Variants in NCKAP5 observed in about 807,000 individuals in gnomAD.
NCKAP5 encodes the protein nck-associated protein 5.
NCKAP5 carries 92 observed loss-of-function variants against 167.0 expected under a neutral mutation model. The ratio of observed to expected loss-of-function variants is 0.55; its 90% CI spans 0.47 to 0.66. NCKAP5 has a LOEUF of 0.66. Ranked by LOEUF, NCKAP5 falls within the 30% of genes least tolerant of loss-of-function variation. The pLI is 0.00. For missense variants in NCKAP5, 2,378 were observed against 2,315.0 expected (o/e 1.03, Z -0.56); for synonymous variants, 891 against 877.4 (o/e 1.02, Z -0.27).
chr2:132,757,836 T>C (rs1245256093), intron 16 of NCKAP5, among the ~76,000 whole-genome samples: 2 of 152,162 alleles, frequency 1.3e-5, no homozygotes, highest in African/African-American at 4.8e-5. Context: ...TTGGAACCAA[T>C]ATAGCTGACT....
At chr2:133,246,412 T>C (rs570968025) in intron 4 of NCKAP5, among the ~76,000 whole-genome samples, 2 of 152,226 alleles carry the variant, frequency 1.3e-5, no homozygotes, top group East Asian at 1.9e-4. Flanking sequence ...ATCGCTATAA[T>C]GTATGGTAAC....
chr2:133,280,349 A>G (rs1375304941), intron 4 of NCKAP5, among the ~76,000 whole-genome samples: 1 of 152,016 alleles, frequency 6.6e-6, no homozygotes, highest in Non-Finnish European at 1.5e-5. Flanking sequence ...TTCATTATTG[A>G]CCCCTTAACC....
intron 8 of NCKAP5, among the ~76,000 whole-genome samples, chr2:132,908,326 T>C (rs1400647437): frequency 6.6e-6 from 1 of 152,166 alleles, no homozygotes; most frequent in Non-Finnish European, 1.5e-5. Flanking sequence ...TTGTCTTTTC[T>C]CTTTCTCTTC....
intron 8 of NCKAP5, among the ~76,000 whole-genome samples, chr2:132,887,365 T>A (rs9751686): frequency 0.024 from 3,155 of 133,782 alleles, 148 homozygotes; most frequent in African/African-American, 0.081. Context: ...CCATCCATCT[T>A]TCCATCCATC....
intron 12 of NCKAP5, among the ~76,000 whole-genome samples, chr2:132,793,444 C>A (rs1172248465): frequency 6.6e-6 from 1 of 152,220 alleles, no homozygotes; most frequent in African/African-American, 2.4e-5. Flanking sequence ...TTAACGTGAA[C>A]TGAATCACCA....
chr2:132,775,746 A>G (rs1295265483), intron 15 of NCKAP5, among the ~76,000 whole-genome samples: 1 of 152,198 alleles, frequency 6.6e-6, no homozygotes, highest in Non-Finnish European at 1.5e-5. Flanking sequence ...GTTTCCATTA[A>G]TAATCCACTG....
chr2:133,018,162 A>C (rs542483848), intron 6 of NCKAP5, among the ~76,000 whole-genome samples: 10 of 152,216 alleles, frequency 6.6e-5, no homozygotes, highest in Non-Finnish European at 1.2e-4. Context: ...TATTCTGTCT[A>C]TATCCCAACC....
intron 3 of NCKAP5, among the ~76,000 whole-genome samples, chr2:133,497,236 G>A (rs761285809): frequency 6.6e-6 from 1 of 152,148 alleles, no homozygotes; most frequent in Non-Finnish European, 1.5e-5. Context: ...AAGGATAAAG[G>A]ACTGTCAAAA....
At chr2:133,062,778 A>G (rs1283209724) in intron 6 of NCKAP5, among the ~76,000 whole-genome samples, 36 of 152,238 alleles carry the variant, frequency 2.4e-4, no homozygotes, top group Admixed American at 2.4e-3. Context: ...GCTCTGGGAA[A>G]TAATTTTCTT....
At chr2:133,246,360 C>T (rs2087992899) in intron 4 of NCKAP5, among the ~76,000 whole-genome samples, 3 of 151,976 alleles carry the variant, frequency 2.0e-5, no homozygotes. Flanking sequence ...TCTCTGGAAA[C>T]TTTTTCAAAC....
chr2:133,096,061 C>T (rs1029031700), intron 6 of NCKAP5, among the ~76,000 whole-genome samples: 5 of 152,242 alleles, frequency 3.3e-5, no homozygotes, highest in Middle Eastern at 3.4e-3. Flanking sequence ...GTGTATAATA[C>T]GGTGTTATAT....
At chr2:133,370,702 A>G (rs1163170279) in intron 3 of NCKAP5, among the ~76,000 whole-genome samples, 1 of 138,662 alleles carries the variant, frequency 7.2e-6, no homozygotes, top group African/African-American at 2.6e-5. Context: ...TGGCTAACGT[A>G]TTTTTTTTTT....
intron 6 of NCKAP5, among the ~76,000 whole-genome samples, chr2:133,044,087 T>C (rs1455431055): frequency 6.6e-6 from 1 of 152,142 alleles, no homozygotes; most frequent in Admixed American, 6.6e-5. Flanking sequence ...AGGAAAAAGA[T>C]AGGCTGCCCA....
At chr2:133,652,025 G>A in the NCKAP5 span, among the ~76,000 whole-genome samples, 731 of 152,300 alleles carry the variant, frequency 4.8e-3, 11 homozygotes, top group Non-Finnish European at 6.5e-3. Flanking sequence ...ATCTGAGTGG[G>A]AGAGCATGGC....
intron 11 of NCKAP5, among the ~76,000 whole-genome samples, chr2:132,810,622 T>C (rs1398275647): frequency 1.3e-5 from 2 of 152,140 alleles, no homozygotes; most frequent in Admixed American, 6.6e-5. Context: ...TTTCCTGAAT[T>C]TTTCGTTGTT....
chr2:133,181,612 A>AT (rs1252312486), intron 5 of NCKAP5, among the ~76,000 whole-genome samples: 1 of 147,250 alleles, frequency 6.8e-6, no homozygotes, highest in Non-Finnish European at 1.5e-5. Flanking sequence ...ACAAAAAAAA[A>AT]AAAAAAAAAA....
At chr2:133,410,721 T>G (rs1688722131) in intron 3 of NCKAP5, among the ~76,000 whole-genome samples, 1 of 152,232 alleles carries the variant, frequency 6.6e-6, no homozygotes, top group African/African-American at 2.4e-5. Flanking sequence ...CAATGAAGTA[T>G]GTTTTAATAA....
intron 6 of NCKAP5, among the ~76,000 whole-genome samples, chr2:133,108,623 T>C (rs909347947): frequency 1.3e-5 from 2 of 152,240 alleles, no homozygotes; most frequent in Admixed American, 1.3e-4. Flanking sequence ...CACCATGCTA[T>C]ATAATGGCTC....
intron 3 of NCKAP5, among the ~76,000 whole-genome samples, chr2:133,329,402 G>A (rs575002658): frequency 2.6e-5 from 4 of 152,254 alleles, no homozygotes; most frequent in African/African-American, 7.2e-5. Context: ...AGCAAAAAAA[G>A]AGATGATATA....
Sources: allele counts gnomAD v4.1 joint callset (sites outside exome capture counted in the v4.1 genomes callset), GRCh38; gene constraint gnomAD v4.1.1; transcripts MANE v1.5; gene names NCBI Gene and HGNC (gene_info 2026-07-23, HGNC 2026-07-21).